PTPRM: variants seen among roughly 807,000 people sequenced by gnomAD.
PTPRM encodes the protein receptor-type tyrosine-protein phosphatase mu.
Under a neutral mutation model 186.7 loss-of-function variants are expected in PTPRM, and 47 were observed. That is an observed-to-expected ratio of 0.25 (90% CI 0.20 to 0.32). The LOEUF is 0.32. Among genes scored for constraint, PTPRM ranks in the 10% least tolerant of loss-of-function variants. The probability of loss-of-function intolerance (pLI) is 1.00; values close to 1 mark genes in which losing one functional copy is unlikely to be tolerated. For synonymous variants in PTPRM, 668 were observed against 674.9 expected (o/e 0.99, Z 0.16); for missense variants, 1,494 against 1,865.0 (o/e 0.80, Z 3.66).
At chr18:7,844,914 T>TA (rs1162844651) in intron 2 of PTPRM, among the ~76,000 whole-genome samples, 1 of 152,198 alleles carries the variant, frequency 6.6e-6, no homozygotes, top group Non-Finnish European at 1.5e-5. Flanking sequence ...TTCATTTTGT[T>TA]AGACAAAATT....
rs528748601 is a variant in PTPRM, at chr18:8,127,505, A to T, written c.2167+12678A>T. On this transcript the variant is annotated intron_variant, in intron 13 of 32. Coordinates refer to ENST00000580170, the MANE Select transcript of PTPRM (RefSeq NM_001105244.2). ...TGAACTAATTTTCACACTGCTTTTT[A>T]AAAAAAATAACATCCTTGCCACAGT... is the stretch of plus-strand genomic sequence containing the variant. 8.4e-5 allele frequency among the ~76,000 whole-genome samples: 12 copies of T among 143,646 alleles called. No individual in the cohort carries two copies. The South Asian group carries it at 9.0e-4, about 11-fold the overall frequency. The allele number at this position is 143,646 out of a possible 152,430, so 94.2% of individuals were successfully genotyped here.
chr18:7,754,273 T>G (rs1431679716), intron 1 of PTPRM, among the ~76,000 whole-genome samples: 1 of 152,242 alleles, frequency 6.6e-6, no homozygotes, highest in Non-Finnish European at 1.5e-5. Flanking sequence ...CTGCTGGATC[T>G]TGTACTAAGC....
At chr18:7,847,458 T>A (rs537505404) in intron 2 of PTPRM, among the ~76,000 whole-genome samples, 3 of 152,240 alleles carry the variant, frequency 2.0e-5, no homozygotes, top group Non-Finnish European at 4.4e-5. Flanking sequence ...TGAGCCCCCA[T>A]GCCTGTCCAC....
At chr18:8,246,089 T>C (rs756618132) in intron 15 of PTPRM, among the ~76,000 whole-genome samples, 1 of 152,140 alleles carries the variant, frequency 6.6e-6, no homozygotes, top group Non-Finnish European at 1.5e-5. Context: ...TCTCATCAGA[T>C]CTCATCTGAT....
chr18:7,737,373 G>A (rs1181465028), intron 1 of PTPRM, among the ~76,000 whole-genome samples: 2 of 152,240 alleles, frequency 1.3e-5, no homozygotes, highest in Non-Finnish European at 2.9e-5. Context: ...GGGATTACAG[G>A]CATGAGCCAC....
In PTPRM at chr18:7,567,550, C is replaced by T; in HGVS notation, c.-269C>T. ...CGGAACCGAGGGAAGATTTTGGCTCCGCGGGCTCGCCCTCCGCTCCCTCTG... is the reference window on the plus strand; with the variant it reads ...CGGAACCGAGGGAAGATTTTGGCTCTGCGGGCTCGCCCTCCGCTCCCTCTG... On this transcript the variant is annotated 5_prime_UTR_variant, in exon 1 of 33. Transcript: ENST00000580170. This position sits in a 1 kb window ranked among gnomAD's most constrained non-coding sequence, Gnocchi z 4.3. 2.8e-6 allele frequency: 1 copy of T among 362,602 alleles called. No homozygotes were observed. The highest frequency in any genetic ancestry group is 4.2e-5 in the East Asian group (1 of 23,610). The allele number at this position is 362,602 out of a possible 1,614,324, so 22.5% of individuals were successfully genotyped here.
chr18:8,235,456 CTTTTT>C (rs58166609), intron 14 of PTPRM, among the ~76,000 whole-genome samples: 3 of 102,316 alleles, frequency 2.9e-5, no homozygotes, highest in South Asian at 3.4e-4. Flanking sequence ...TCTGTGTCTT[CTTTTT>C]TTTTTTTTTT....
At chr18:7,574,925 C>T (rs746384691) in intron 1 of PTPRM, among the ~76,000 whole-genome samples, 19 of 152,078 alleles carry the variant, frequency 1.2e-4, no homozygotes, top group Non-Finnish European at 2.6e-4. Flanking sequence ...CCAGCTACTC[C>T]GGAAGCTGAG....
intron 19 of PTPRM, among the ~76,000 whole-genome samples, chr18:8,267,471 A>G (rs972951168): frequency 5.3e-5 from 8 of 152,114 alleles, no homozygotes; most frequent in South Asian, 2.1e-4. Context: ...CTCACTATCA[A>G]TTTTCAATAA....
intron 7 of PTPRM, among the ~76,000 whole-genome samples, chr18:8,033,011 C>G (rs547959553): frequency 5.7e-4 from 87 of 152,008 alleles, no homozygotes; most frequent in African/African-American, 2.0e-3. Flanking sequence ...AGTATGATCT[C>G]AAAATTCAAA....
chr18:8,019,811 TA>T (rs2085099012), intron 7 of PTPRM, among the ~76,000 whole-genome samples: 1 of 147,796 alleles, frequency 6.8e-6, no homozygotes, highest in African/African-American at 2.4e-5. Flanking sequence ...ATAATATAAA[TA>T]ATATTTATTT....
chr18:7,605,126 G>A (rs2037499042), intron 1 of PTPRM, among the ~76,000 whole-genome samples: 1 of 152,116 alleles, frequency 6.6e-6, no homozygotes, highest in East Asian at 1.9e-4. Flanking sequence ...GTTGGAAGAA[G>A]AGCTGTCTTG....
intron 1 of PTPRM, among the ~76,000 whole-genome samples, chr18:7,620,455 C>CT (rs912731249): frequency 6.6e-6 from 1 of 152,192 alleles, no homozygotes; most frequent in Non-Finnish European, 1.5e-5. Flanking sequence ...GAGGACAACT[C>CT]TGTGTCCTAG....
chr18:7,666,426 T>A (rs2039096243), intron 1 of PTPRM, among the ~76,000 whole-genome samples: 1 of 152,202 alleles, frequency 6.6e-6, no homozygotes, highest in South Asian at 2.1e-4. Context: ...AGGGAGCAGG[T>A]ATCAGGGTGC....
chr18:8,249,145 G>A (rs565035525), intron 17 of PTPRM, among the ~76,000 whole-genome samples: 225 of 152,210 alleles, frequency 1.5e-3, no homozygotes, highest in African/African-American at 4.9e-3. Flanking sequence ...TCAGTTGTTC[G>A]ACTTCTCCTT....
chr18:8,349,734 A>G (rs189563057), intron 23 of PTPRM, among the ~76,000 whole-genome samples: 7 of 152,312 alleles, frequency 4.6e-5, no homozygotes, highest in African/African-American at 1.7e-4. Flanking sequence ...CAGGCTTGAA[A>G]ACAAATTTCA....
At chr18:8,358,466 G>C (rs190516281) in intron 23 of PTPRM, among the ~76,000 whole-genome samples, 1 of 152,228 alleles carries the variant, frequency 6.6e-6, no homozygotes, top group East Asian at 1.9e-4. Context: ...CTTCCTATCT[G>C]TTTCTCACGC....
At chr18:8,278,739 G>T (rs969861637) in intron 19 of PTPRM, among the ~76,000 whole-genome samples, 1 of 152,134 alleles carries the variant, frequency 6.6e-6, no homozygotes, top group African/African-American at 2.4e-5. Flanking sequence ...GGGTACAGAG[G>T]GCAAGAGGGA....
At chr18:8,222,140 C>A (rs1202446871) in intron 14 of PTPRM, among the ~76,000 whole-genome samples, 1 of 152,168 alleles carries the variant, frequency 6.6e-6, no homozygotes, top group East Asian at 1.9e-4. Flanking sequence ...TAACACTGAC[C>A]TGCTAAGATA....
Sources: gnomAD v4.1 joint callset for allele counts (sites outside exome capture counted in the v4.1 genomes callset) on GRCh38, gnomAD v4.1.1 for gene constraint, Gnocchi (gnomAD v3.1) non-coding constraint, MANE v1.5 for transcripts, NCBI Gene and HGNC (gene_info 2026-07-23, HGNC 2026-07-21) for gene names.